NEK11: variants seen among roughly 807,000 people sequenced by gnomAD.
NEK11 encodes the protein serine/threonine-protein kinase Nek11.
In NEK11, 72 loss-of-function variants were observed where a neutral mutation model predicts 80.7. The ratio of observed to expected loss-of-function variants is 0.89; its 90% CI spans 0.74 to 1.08. The LOEUF is 1.08. Among genes scored for constraint, NEK11 ranks in the 50% least tolerant of loss-of-function variants. The pLI, the probability that NEK11 is intolerant of heterozygous loss-of-function variation, is 0.00. For missense variants in NEK11, 764 were observed against 763.6 expected (o/e 1.00, Z -0.01); for synonymous variants, 251 against 260.7 (o/e 0.96, Z 0.36).
In NEK11 at chr3:131,103,288, G is replaced by A. The variant is rs181588471; in HGVS notation, c.337-6515G>A. Among the ~76,000 whole-genome samples, 411 of 152,312 alleles carry A rather than the reference G, an allele frequency of 2.7e-3. 2 individuals carry two copies. The highest frequency in any genetic ancestry group is 9.3e-3 in the African/African-American group (387 of 41,566). On this transcript the variant is annotated intron_variant, in intron 4 of 17. Transcript: ENST00000383366. ...CTTGAGTTGGTTCTTTCTCATCTGA[G>A]AAGGTTGGCGTTCCTTTAATTGTGG...
At chr3:131,099,547 T>A (rs143971321) in intron 4 of NEK11, among the ~76,000 whole-genome samples, 11 of 152,352 alleles carry the variant, frequency 7.2e-5, no homozygotes, top group Admixed American at 1.3e-4. Flanking sequence ...AATCTGTAGA[T>A]TGCTTAGGGC....
At chr3:131,238,491 A>C (rs902544220) in intron 15 of NEK11, among the ~76,000 whole-genome samples, 1 of 152,220 alleles carries the variant, frequency 6.6e-6, no homozygotes, top group African/African-American at 2.4e-5. Flanking sequence ...GCCAGGACAC[A>C]AACAAAGAAG....
rs1560950035 is a variant in NEK11 at position 131,203,789 on chromosome 3, AT to A, written c.1400-24738del. On this transcript the variant is annotated intron_variant, in intron 14 of 17. Transcript: ENST00000383366. ...TGTGTATATATATATATATATATAT[AT>A]ATATATATATATATATATATATATA... Among the ~76,000 whole-genome samples, 12 of 7,658 alleles carry A rather than the reference AT, an allele frequency of 1.6e-3. 1 individual carries two copies. Among genetic ancestry groups the A allele is most frequent in the African/African-American group, 4.5e-3 (12 of 2,650 alleles). The allele number at this position is 7,658 out of a possible 152,430, so 5.0% of individuals were successfully genotyped here.
intron 3 of NEK11, among the ~76,000 whole-genome samples, chr3:131,050,748 G>C (rs997990226): frequency 6.6e-6 from 1 of 152,174 alleles, no homozygotes. Flanking sequence ...GTATAGTAAG[G>C]CCAGGCATGG....
At chr3:131,344,542 CT>C (rs2097333407) in intron 17 of NEK11, among the ~76,000 whole-genome samples, 2 of 152,200 alleles carry the variant, frequency 1.3e-5, no homozygotes, top group Admixed American at 6.5e-5. Flanking sequence ...AGCAATGCCC[CT>C]CTCCTTGGTA....
At chr3:131,193,447 G>T (rs1043559441) in intron 14 of NEK11, among the ~76,000 whole-genome samples, 1 of 152,108 alleles carries the variant, frequency 6.6e-6, no homozygotes, top group East Asian at 1.9e-4. Context: ...CACTGCAAGA[G>T]CTAGCATTAA....
At chr3:131,239,843 T>C (rs992305203) in intron 15 of NEK11, among the ~76,000 whole-genome samples, 1 of 152,136 alleles carries the variant, frequency 6.6e-6, no homozygotes, top group African/African-American at 2.4e-5. Flanking sequence ...CATTCATTCA[T>C]TCACACAGTC....
intron 14 of NEK11, among the ~76,000 whole-genome samples, chr3:131,226,246 A>C (rs2095191530): frequency 6.6e-6 from 1 of 152,172 alleles, no homozygotes; most frequent in South Asian, 2.1e-4. Flanking sequence ...GCAGAACTGG[A>C]GATCTCTCAG....
At chr3:131,288,266 A>G (rs1270170424) in intron 17 of NEK11, among the ~76,000 whole-genome samples, 3 of 152,084 alleles carry the variant, frequency 2.0e-5, no homozygotes, top group Middle Eastern at 3.4e-3. Flanking sequence ...CCACATTGCA[A>G]TGTTCTCTTT....
At chr3:131,336,167 C>A (rs1468771335) in intron 17 of NEK11, among the ~76,000 whole-genome samples, 1 of 146,684 alleles carries the variant, frequency 6.8e-6, no homozygotes, top group Admixed American at 6.9e-5. Flanking sequence ...CCAAGTCAAT[C>A]CTAAGCCAAA....
chr3:131,207,570 C>A (rs2094479894), intron 14 of NEK11, among the ~76,000 whole-genome samples: 1 of 151,884 alleles, frequency 6.6e-6, no homozygotes, highest in African/African-American at 2.4e-5. Context: ...AAGAGTGAGA[C>A]TCTATCTCAA....
At chr3:131,118,664 T>A (rs2081762646) in intron 5 of NEK11, among the ~76,000 whole-genome samples, 1 of 152,236 alleles carries the variant, frequency 6.6e-6, no homozygotes, top group African/African-American at 2.4e-5. Flanking sequence ...GTTATTAGTC[T>A]ATTCAGGGAT....
intron 14 of NEK11, among the ~76,000 whole-genome samples, chr3:131,202,339 A>G (rs1178482309): frequency 1.3e-5 from 2 of 152,110 alleles, no homozygotes; most frequent in African/African-American, 4.8e-5. Flanking sequence ...TCCCTTTCCT[A>G]GCCAAGGGAA....
At chr3:131,097,979 A>C (rs201094738) in intron 4 of NEK11, among the ~76,000 whole-genome samples, 7,643 of 145,562 alleles carry the variant, frequency 0.053, 784 homozygotes, top group East Asian at 0.14. Context: ...GGAACAGAAC[A>C]GAGCCCTCAG....
chr3:131,089,004 G>C (rs2076376477), intron 4 of NEK11, among the ~76,000 whole-genome samples: 1 of 152,118 alleles, frequency 6.6e-6, no homozygotes. Flanking sequence ...TAATGAAACA[G>C]AGTTTCAAAA....
Position 131,340,282 on chromosome 3 carries a change from C to G in NEK11, c.1719-9275C>G, listed in dbSNP as rs560019722. Among the ~76,000 whole-genome samples the G allele has an allele frequency of 2.0e-5, 3 of 152,240 alleles. No individual in the cohort carries two copies. In the South Asian group the frequency reaches 6.2e-4, roughly 32 times the overall value. On this transcript the variant is annotated intron_variant, in intron 17 of 17. Coordinates refer to ENST00000383366, the MANE Select transcript of NEK11 (RefSeq NM_024800.5). ...CTCAGGGACAAAATAGTTCTTTATA[C>G]TATTCCTGTAACTTTTCTGTAAGTA...
chr3:131,052,854 A>G (rs1389843452), intron 3 of NEK11, among the ~76,000 whole-genome samples: 1 of 152,180 alleles, frequency 6.6e-6, no homozygotes, highest in African/African-American at 2.4e-5. Context: ...CCATGATTAT[A>G]CAAGCTTGGA....
Position 131,065,575 on chromosome 3 carries a change from C to A in NEK11, c.171-14848C>A, listed in dbSNP as rs1262579672. Among the ~76,000 whole-genome samples the A allele has an allele frequency of 5.3e-5, 8 of 152,118 alleles. No homozygotes were observed. In the East Asian group the frequency reaches 1.5e-3, roughly 29 times the overall value. ...CTCTTTTAGCAGTCACATACTGTTT[C>A]ATATTGAATTGGGGTGGTGGGGGAG... On this transcript the variant is annotated intron_variant, in intron 3 of 17. Transcript: ENST00000383366.
At chr3:131,058,413 CA>C (rs2070092404) in intron 3 of NEK11, among the ~76,000 whole-genome samples, 1 of 152,012 alleles carries the variant, frequency 6.6e-6, no homozygotes, top group Non-Finnish European at 1.5e-5. Flanking sequence ...TAGTTTTTTC[CA>C]ATTCTGTGAA....
Sources: allele counts gnomAD v4.1 joint callset (sites outside exome capture counted in the v4.1 genomes callset), GRCh38; gene constraint gnomAD v4.1.1; transcripts MANE v1.5; gene names NCBI Gene and HGNC (gene_info 2026-07-23, HGNC 2026-07-21).